The following ARHGAP10 variants were observed in gnomAD, a reference collection of about 807,000 sequenced individuals.
ARHGAP10 encodes rho GTPase-activating protein 10.
In ARHGAP10, 87 loss-of-function variants were observed where a neutral mutation model predicts 108.6. That is an observed-to-expected ratio of 0.80 (90% CI 0.67 to 0.96). The LOEUF (loss-of-function observed/expected upper bound fraction) is 0.96. Ranked by LOEUF, ARHGAP10 falls within the 40% of genes least tolerant of loss-of-function variation. The probability of loss-of-function intolerance (pLI) is 0.00; values close to 1 mark genes in which losing one functional copy is unlikely to be tolerated. For synonymous variants in ARHGAP10, 347 were observed against 341.1 expected (o/e 1.02, Z -0.19); for missense variants, 939 against 954.5 (o/e 0.98, Z 0.21).
intron 1 of ARHGAP10, among the ~76,000 whole-genome samples, chr4:147,794,646 T>C (rs58068435): frequency 0.11 from 16,946 of 152,180 alleles, 2,873 homozygotes; most frequent in African/African-American, 0.37. Flanking sequence ...ATGGTACATA[T>C]TTTGTTATGT....
At chr4:147,894,514 T>C (rs1418502087) in intron 10 of ARHGAP10, among the ~76,000 whole-genome samples, 1 of 152,186 alleles carries the variant, frequency 6.6e-6, no homozygotes, top group African/African-American at 2.4e-5. Context: ...TATCTTTTTC[T>C]TCAGTGTCTT....
At chr4:147,860,292 A>G (rs555872261) in intron 5 of ARHGAP10, among the ~76,000 whole-genome samples, 1 of 152,170 alleles carries the variant, frequency 6.6e-6, no homozygotes, top group Non-Finnish European at 1.5e-5. Flanking sequence ...AATACAAAAA[A>G]TTAGCTGGGT....
At chr4:147,974,443 C>T (rs1265412481) in intron 18 of ARHGAP10, among the ~76,000 whole-genome samples, 1 of 152,110 alleles carries the variant, frequency 6.6e-6, no homozygotes, top group Non-Finnish European at 1.5e-5. Context: ...TCATATTAAT[C>T]AGGGTGGTTT....
At chr4:147,785,986 T>A (rs900614293) in intron 1 of ARHGAP10, among the ~76,000 whole-genome samples, 11 of 152,136 alleles carry the variant, frequency 7.2e-5, no homozygotes, top group African/African-American at 2.7e-4. Context: ...CAAACTTCTT[T>A]CTGATTTCGG....
intron 20 of ARHGAP10, among the ~76,000 whole-genome samples, chr4:148,052,420 T>C (rs1729187221): frequency 7.6e-6 from 1 of 131,332 alleles, no homozygotes; most frequent in South Asian, 2.5e-4. Flanking sequence ...TTTGGGCTAA[T>C]TGACCAAAAT....
At chr4:147,793,297 A>AAC (rs1252758651) in intron 1 of ARHGAP10, among the ~76,000 whole-genome samples, 41 of 144,998 alleles carry the variant, frequency 2.8e-4, no homozygotes, top group African/African-American at 9.0e-4. Flanking sequence ...GGTAAAATAT[A>AAC]ACACACACAT....
intron 15 of ARHGAP10, among the ~76,000 whole-genome samples, chr4:147,952,180 CT>C (rs1175648333): frequency 1.3e-5 from 2 of 152,162 alleles, no homozygotes; most frequent in Non-Finnish European, 2.9e-5. Flanking sequence ...ATTTAACTTG[CT>C]TGTAACTTTC....
intron 1 of ARHGAP10, among the ~76,000 whole-genome samples, chr4:147,817,562 C>T (rs1013369650): frequency 2.0e-5 from 3 of 152,214 alleles, no homozygotes; most frequent in Non-Finnish European, 4.4e-5. Context: ...TATCCTACCT[C>T]TCAAACTCAG....
At chr4:148,032,313 G>A (rs916685214) in intron 19 of ARHGAP10, among the ~76,000 whole-genome samples, 1 of 106,276 alleles carries the variant, frequency 9.4e-6, no homozygotes, top group African/African-American at 3.7e-5. Context: ...ATCTAATATT[G>A]GCAATTTCAA....
At chr4:148,057,560 A>G (rs1438791848) in intron 20 of ARHGAP10, among the ~76,000 whole-genome samples, 3 of 152,214 alleles carry the variant, frequency 2.0e-5, no homozygotes, top group Non-Finnish European at 4.4e-5. Flanking sequence ...GCACAGGGCT[A>G]GATTGCACAG....
intron 20 of ARHGAP10, among the ~76,000 whole-genome samples, chr4:148,061,988 A>C (rs13109093): frequency 0.31 from 47,659 of 152,052 alleles, 8,927 homozygotes; most frequent in East Asian, 0.62. Flanking sequence ...GAGCCAAGGA[A>C]GGGCAAGATT....
chr4:148,022,235 T>C (rs1741595691), intron 18 of ARHGAP10, among the ~76,000 whole-genome samples: 1 of 152,228 alleles, frequency 6.6e-6, no homozygotes, highest in African/African-American at 2.4e-5. Context: ...GGTATACATG[T>C]GCCATGGTGG....
chr4:148,050,147 G>A (rs1194891917), intron 20 of ARHGAP10, among the ~76,000 whole-genome samples: 4 of 152,114 alleles, frequency 2.6e-5, no homozygotes, highest in African/African-American at 4.8e-5. Flanking sequence ...GATTACAGGC[G>A]TGAGCTACCG....
At chr4:148,025,073 A>G (rs1741714899) in intron 19 of ARHGAP10, among the ~76,000 whole-genome samples, 1 of 152,236 alleles carries the variant, frequency 6.6e-6, no homozygotes, top group African/African-American at 2.4e-5. Context: ...TTAGTGGATT[A>G]ACCTTTTGAT....
intron 16 of ARHGAP10, among the ~76,000 whole-genome samples, chr4:147,963,497 AAAC>A (rs1417037085): frequency 6.6e-6 from 1 of 152,226 alleles, no homozygotes; most frequent in Non-Finnish European, 1.5e-5. Context: ...CTTCAACAAC[AAAC>A]ATTTTATTGA....
intron 10 of ARHGAP10, among the ~76,000 whole-genome samples, chr4:147,893,351 C>T (rs1032227817): frequency 6.6e-6 from 1 of 151,416 alleles, no homozygotes; most frequent in African/African-American, 2.4e-5. Flanking sequence ...AGCCACTGCT[C>T]CCGGCAGGAA....
chr4:147,909,642 ATT>A, intron 11 of ARHGAP10, 88 bp from the exon 12 acceptor site: 3 of 1,092,516 alleles, frequency 2.7e-6, no homozygotes, highest in Non-Finnish European at 4.0e-6. Context: ...ATAAAAATGT[ATT>A]TTTTTTTGTA....
At chr4:147,752,613 C>T (rs1048139276) in intron 1 of ARHGAP10, among the ~76,000 whole-genome samples, 3 of 151,846 alleles carry the variant, frequency 2.0e-5, no homozygotes, top group African/African-American at 7.3e-5. Context: ...CTGCAACCTC[C>T]ACCTCCTGGG....
At chr4:147,808,476 A>AC (rs1320504881) in intron 1 of ARHGAP10, among the ~76,000 whole-genome samples, 14 of 152,196 alleles carry the variant, frequency 9.2e-5, no homozygotes, top group Admixed American at 9.2e-4. Context: ...TGAATACAAC[A>AC]GAATGATACT....
Sources: allele counts gnomAD v4.1 joint callset (sites outside exome capture counted in the v4.1 genomes callset), GRCh38; gene constraint gnomAD v4.1.1; transcripts MANE v1.5; gene names NCBI Gene and HGNC (gene_info 2026-07-23, HGNC 2026-07-21).